LRFN5: variants seen among roughly 807,000 people sequenced by gnomAD.
The protein encoded by LRFN5 is leucine rich repeat and fibronectin type III domain containing 5, also known as leucine-rich repeat and fibronectin type-III domain-containing protein 5.
LRFN5 carries 24 observed loss-of-function variants against 45.6 expected under a neutral mutation model. The ratio of observed to expected loss-of-function variants is 0.53; its 90% CI spans 0.38 to 0.74. The LOEUF (loss-of-function observed/expected upper bound fraction) is 0.74, where lower values mean the gene tolerates loss of function less well. Among genes scored for constraint, LRFN5 ranks in the 30% least tolerant of loss-of-function variants. The pLI is 0.00. For missense variants in LRFN5, 776 were observed against 861.5 expected (o/e 0.90, Z 1.24); for synonymous variants, 340 against 313.8 (o/e 1.08, Z -0.88).
At chr14:41,813,661 G>A (rs570324277) in intron 2 of LRFN5, among the ~76,000 whole-genome samples, 7 of 152,176 alleles carry the variant, frequency 4.6e-5, no homozygotes, top group South Asian at 4.1e-4. Context: ...ATATGTGTGC[G>A]TGTGTCTTTA....
chr14:41,798,534 G>A (rs572560934), intron 2 of LRFN5, among the ~76,000 whole-genome samples: 58 of 152,108 alleles, frequency 3.8e-4, no homozygotes, highest in African/African-American at 1.3e-3. Flanking sequence ...CCATAGAGCT[G>A]GCAGAGAAAG....
At chr14:41,873,185 T>C (rs1427315332) in intron 2 of LRFN5, among the ~76,000 whole-genome samples, 1 of 152,194 alleles carries the variant, frequency 6.6e-6, no homozygotes, top group African/African-American at 2.4e-5. Flanking sequence ...GTATTTACAA[T>C]GAGTGAATAA....
intron 1 of LRFN5, among the ~76,000 whole-genome samples, chr14:41,649,791 A>C (rs145695812): frequency 7.3e-4 from 111 of 152,246 alleles, no homozygotes; most frequent in African/African-American, 2.4e-3. Context: ...ACTGAACTCC[A>C]CACTGCTCTT....
intron 1 of LRFN5, among the ~76,000 whole-genome samples, chr14:41,750,370 T>G (rs1387242239): frequency 1.3e-5 from 2 of 150,746 alleles, no homozygotes; most frequent in African/African-American, 2.4e-5. Flanking sequence ...GGAAAGAGAT[T>G]CTATAGTTTG....
Position 41,639,026 on chromosome 14 carries a change from TAGA to T in LRFN5, c.-197+30469_-197+30471del, listed in dbSNP as rs1310932954. ...TTGGTGTCATTATATTTACAGTAAATAGAAGAAATTTGTTCAATAAAACATACC... is the reference window on the plus strand; with the variant it reads ...TTGGTGTCATTATATTTACAGTAAATAGAAATTTGTTCAATAAAACATACC... On this transcript the variant is annotated intron_variant, in intron 1 of 5. Coordinates refer to ENST00000298119, the MANE Select transcript of LRFN5 (RefSeq NM_152447.5). Among the ~76,000 whole-genome samples the T allele has an allele frequency of 3.9e-5, 6 of 152,076 alleles. No individual in the cohort carries two copies. The South Asian group carries it at 6.2e-4, about 16-fold the overall frequency.
chr14:41,865,463 T>C (rs1889807716), intron 2 of LRFN5, among the ~76,000 whole-genome samples: 1 of 152,224 alleles, frequency 6.6e-6, no homozygotes. Flanking sequence ...TATTAATCCA[T>C]TCATCAGCCG....
chr14:41,769,617 A>G (rs1247589158), intron 2 of LRFN5, among the ~76,000 whole-genome samples: 2 of 152,178 alleles, frequency 1.3e-5, no homozygotes, highest in Non-Finnish European at 2.9e-5. Flanking sequence ...TACAAAGCTA[A>G]TATTCCTTTT....
chr14:41,761,575 A>G (rs1885671768), intron 1 of LRFN5, among the ~76,000 whole-genome samples: 1 of 152,180 alleles, frequency 6.6e-6, no homozygotes, highest in Admixed American at 6.5e-5. Flanking sequence ...AGAACAGAGT[A>G]GGCCTGACAT....
intron 1 of LRFN5, among the ~76,000 whole-genome samples, chr14:41,721,910 C>G (rs1050415285): frequency 6.6e-6 from 1 of 151,992 alleles, no homozygotes; most frequent in Non-Finnish European, 1.5e-5. Context: ...TGGATGTTTA[C>G]CTCTTTAGCA....
intron 1 of LRFN5, among the ~76,000 whole-genome samples, chr14:41,633,976 A>G (rs1398912081): frequency 6.6e-6 from 1 of 152,126 alleles, no homozygotes; most frequent in African/African-American, 2.4e-5. Flanking sequence ...AAAAAATCCA[A>G]TCTTCTGCAG....
chr14:41,616,731 T>C (rs1272963148), intron 1 of LRFN5, among the ~76,000 whole-genome samples: 1 of 152,134 alleles, frequency 6.6e-6, no homozygotes, highest in East Asian at 1.9e-4. Context: ...AGGCATCCTG[T>C]TTAAAAATTA....
intron 2 of LRFN5, among the ~76,000 whole-genome samples, chr14:41,863,158 C>A (rs752687116): frequency 5.3e-5 from 8 of 152,190 alleles, no homozygotes; most frequent in Non-Finnish European, 1.0e-4. Context: ...AGCCACCACG[C>A]CCAGCCTAAG....
intron 1 of LRFN5, among the ~76,000 whole-genome samples, chr14:41,631,786 A>G (rs1015273409): frequency 2.0e-5 from 3 of 152,184 alleles, no homozygotes; most frequent in African/African-American, 7.2e-5. Flanking sequence ...CAAGCTTAGC[A>G]TGGTTATAAA....
In LRFN5 at chr14:41,651,706, T is replaced by A. The variant is rs28479878; in HGVS notation, c.-197+43144T>A. ...AGTGTAACTGAGCCACAAATTTTAC[T>A]AAGCAAAGCATACTATATTGGATGA... On this transcript the variant is annotated intron_variant, in intron 1 of 5. Transcript: ENST00000298119. Among the ~76,000 whole-genome samples the A allele has an allele frequency of 7.0e-3, 1,073 of 152,312 alleles. 15 individuals carry two copies. The highest frequency in any genetic ancestry group is 0.025 in the African/African-American group (1,031 of 41,578).
intron 2 of LRFN5, among the ~76,000 whole-genome samples, chr14:41,811,889 T>A (rs958523622): frequency 1.1e-4 from 16 of 152,138 alleles, no homozygotes; most frequent in Non-Finnish European, 2.1e-4. Context: ...CTAGAACCCT[T>A]TGAATTATAT....
chr14:41,857,525 A>G (rs147918760), intron 2 of LRFN5, among the ~76,000 whole-genome samples: 53 of 152,290 alleles, frequency 3.5e-4, no homozygotes, highest in Non-Finnish European at 7.4e-5. Context: ...ACAGTTGGTG[A>G]TACTGCTGTT....
chr14:41,694,738 A>C (rs1882528486), intron 1 of LRFN5, among the ~76,000 whole-genome samples: 1 of 151,936 alleles, frequency 6.6e-6, no homozygotes, highest in Admixed American at 6.6e-5. Context: ...CAATATTTCA[A>C]ATATTTCATT....
chr14:41,749,348 TAAAGCAAGAACTGAGTGCAAATAGAACC>T (rs1300108797), intron 1 of LRFN5, among the ~76,000 whole-genome samples: 2 of 152,140 alleles, frequency 1.3e-5, no homozygotes, highest in Admixed American at 6.6e-5. Context: ...TGACTTATAA[TAAAGCAAGAACTGAGTGCAAATAGAACC>T]AAAGGATGTC....
At position 41,904,307 on chromosome 14, in the gene LRFN5, C is replaced by G; in HGVS notation, c.*132C>G. The G allele has an allele frequency of 1.8e-6, 2 of 1,126,088 alleles. No individual in the cohort carries two copies. The highest frequency in any genetic ancestry group is 2.6e-6 in the Non-Finnish European group (2 of 759,478). 69.8% of individuals were successfully genotyped at this position (1,126,088 alleles called of 1,614,324 possible). On this transcript the variant is annotated 3_prime_UTR_variant, in exon 6 of 6. Transcript: ENST00000298119. ...TCGTAGAAGAAATTGTCTACAGGAG[C>G]CAAGGTGAAAGTCTCTGATGACGGC... is the stretch of plus-strand genomic sequence containing the variant.
Sources: allele counts gnomAD v4.1 joint callset (sites outside exome capture counted in the v4.1 genomes callset), GRCh38; gene constraint gnomAD v4.1.1; transcripts MANE v1.5; gene names NCBI Gene and HGNC (gene_info 2026-07-23, HGNC 2026-07-21).